Variants in ARHGAP9 observed in about 807,000 individuals in gnomAD.
ARHGAP9 encodes the protein Rho GTPase activating protein 9.
ARHGAP9 carries 76 observed loss-of-function variants against 87.3 expected under a neutral mutation model. That is an observed-to-expected ratio of 0.87 (90% CI 0.72 to 1.05). The LOEUF (loss-of-function observed/expected upper bound fraction) is 1.05. Ranked by LOEUF, ARHGAP9 falls within the 50% of genes least tolerant of loss-of-function variation. The pLI, the probability that ARHGAP9 is intolerant of heterozygous loss-of-function variation, is 0.00. For missense variants in ARHGAP9, 941 were observed against 960.5 expected (o/e 0.98, Z 0.27); for synonymous variants, 382 against 394.9 (o/e 0.97, Z 0.39).
At chr12:57,485,567 A>AC (rs995690815) in intron 1 of ARHGAP9, among the ~76,000 whole-genome samples, 14 of 150,464 alleles carry the variant, frequency 9.3e-5, no homozygotes, top group Admixed American at 6.0e-4. Context: ...AAAAAAAAAA[A>AC]AAACAAAAAA....
rs762525918 is a variant in ARHGAP9 at position 57,479,339 on chromosome 12, C to T, written c.68G>A (p.Arg23Gln). ...ATAGAGGGCACAGAGCTGGGATCCC[C>T]GAGGAGGGCTTCGGGGGCCCAGCCC... Reference protein sequence around the residue: ...ILGLGPRSPPRGSQLCALYAF... With the variant: ...ILGLGPRSPPQGSQLCALYAF... The change falls in exon 2 of 18, where the codon CGG (arginine) becomes CAG (glutamine). Residue 23 changes from arginine to glutamine, a missense_variant. Coordinates refer to ENST00000393791, the MANE Select transcript of ARHGAP9 (RefSeq NM_032496.4). The T allele has an allele frequency of 1.3e-5, 21 of 1,614,054 alleles. No homozygotes were observed. In the South Asian group the frequency reaches 1.9e-4, roughly 14 times the overall value.
intron 3 of ARHGAP9, 59 bp from the exon 4 acceptor site, chr12:57,477,739 C>T: frequency 6.3e-7 from 1 of 1,588,582 alleles, no homozygotes; most frequent in South Asian, 1.1e-5. Context: ...TCCCATGCTT[C>T]TCTTGGCCTT....
At position 57,477,163 on chromosome 12, in the gene ARHGAP9, T is replaced by A; in HGVS notation, c.863A>T (p.Asp288Val). 6.2e-7 allele frequency: 1 copy of A among 1,613,492 alleles called. No homozygotes were observed. Among genetic ancestry groups the A allele is most frequent in the Non-Finnish European group, 8.5e-7 (1 of 1,179,700 alleles). Reference protein sequence around the residue: ...RSDTGTPEPLDPQGSLSLSQR... With the variant: ...RSDTGTPEPLVPQGSLSLSQR... ...AGATGGGAGGGATCTCACCTGTGGG[T>A]CAAGCGGTTCTGGGGTCCCTGTGTC... is the stretch of plus-strand genomic sequence containing the variant. The change falls in exon 5 of 18, where the codon GAC (aspartate) becomes GTC (valine). Residue 288 changes from aspartate (D) to valine (V), a missense_variant. By Grantham distance (152) the Asp-to-Val change is radical (BLOSUM62 -3). Coordinates refer to ENST00000393791, the MANE Select transcript of ARHGAP9 (RefSeq NM_032496.4).
intron 1 of ARHGAP9, chr12:57,487,335 T>C (rs917329073): frequency 1.3e-5 from 2 of 152,086 alleles, no homozygotes; most frequent in Admixed American, 6.6e-5. Context: ...TTCCACTTTG[T>C]CACTAATTCC....
intron 17 of ARHGAP9, 32 bp downstream of exon 17, chr12:57,473,571 C>G (rs911109053): frequency 1.9e-6 from 3 of 1,585,148 alleles, no homozygotes; most frequent in Non-Finnish European, 2.6e-6. Flanking sequence ...CACCTTTCCC[C>G]AGCATGAACA....
At chr12:57,483,713 C>T (rs1251344824), upstream of ARHGAP9, among the ~76,000 whole-genome samples, 1 of 152,170 alleles carries the variant, frequency 6.6e-6, no homozygotes, top group Non-Finnish European at 1.5e-5. Context: ...TCTTACGCAT[C>T]ACTGAGATCT....
chr12:57,479,722 C>T lies in ARHGAP9; in HGVS notation c.-19+8G>A, dbSNP rs541157104. ...GATGACCTAGGCCAGTAGTTTTCCT[C>T]CAAGTACCTTGTGGGGCCCATCAGA... On this transcript the variant is annotated splice_region_variant and intron_variant, in intron 1 of 17. Transcript: ENST00000393791. 1.0e-5 allele frequency: 16 copies of T among 1,550,780 alleles called. No individual in the cohort carries two copies. Among genetic ancestry groups the T allele is most frequent in the African/African-American group, 1.4e-5 (1 of 73,142 alleles).
chr12:57,478,456 A>G, intron 3 of ARHGAP9, 84 bp downstream of exon 3: 3 of 1,330,926 alleles, frequency 2.3e-6, no homozygotes, highest in Non-Finnish European at 3.2e-6. Context: ...TGTGTTTGTC[A>G]TCCCCAGGGG....
At chr12:57,477,879 C>T (rs1874375318) in intron 3 of ARHGAP9, 199 bp from the exon 4 acceptor site, 10 of 1,387,362 alleles carry the variant, frequency 7.2e-6, no homozygotes, top group South Asian at 4.3e-5. Context: ...GTTTTCTTTG[C>T]TCTTCTCCTC....
intron 8 of ARHGAP9, 29 bp downstream of exon 8, chr12:57,476,335 C>T (rs1476096356): frequency 6.2e-7 from 1 of 1,608,094 alleles, no homozygotes; most frequent in Non-Finnish European, 8.5e-7. Context: ...AGCGCCCGCA[C>T]CCATCCTGCG....
At chr12:57,482,544 A>T (rs1017185543), upstream of ARHGAP9, among the ~76,000 whole-genome samples, 2 of 151,714 alleles carry the variant, frequency 1.3e-5, no homozygotes, top group African/African-American at 2.4e-5. Context: ...CTGGCCAAAA[A>T]TTTTTTTTAG....
chr12:57,478,991 C>T, intron 2 of ARHGAP9, 100 bp downstream of exon 2: 3 of 1,426,726 alleles, frequency 2.1e-6, no homozygotes, highest in South Asian at 1.3e-5. Context: ...TTAGCAGAAG[C>T]TTGAGGGAGG....
chr12:57,473,803 G>T, intron 16 of ARHGAP9, 95 bp from the exon 17 acceptor site: 2 of 1,256,074 alleles, frequency 1.6e-6, no homozygotes, highest in Non-Finnish European at 2.3e-6. Context: ...AGGCATGGAA[G>T]ACATCATTAA....
Position 57,479,091 on chromosome 12 carries a change from C to T in ARHGAP9, c.316G>A (p.Gly106Arg), listed in dbSNP as rs1874669708. The change falls in exon 2 of 18, where the codon GGG (glycine) becomes AGG (arginine). Residue 106 changes from glycine (G) to arginine (R), a missense_variant and splice_region_variant. Coordinates refer to ENST00000393791, the MANE Select transcript of ARHGAP9 (RefSeq NM_032496.4). ...VIPGQLLWTP[G>R]PKLFHGSLEE... The stretch of plus-strand genomic sequence containing the variant: ...GGGAGAGGGCTTAGCGCTTACTCAC[C>T]AGGAGTCCAGAGCAATTGGCCGGGG... 6.2e-7 allele frequency: 1 copy of T among 1,613,768 alleles called. No homozygotes were observed. Among genetic ancestry groups the T allele is most frequent in the African/African-American group, 1.3e-5 (1 of 74,868 alleles).
intron 12 of ARHGAP9, 86 bp downstream of exon 12, chr12:57,475,205 C>T (rs984971325): frequency 6.6e-6 from 9 of 1,370,282 alleles, no homozygotes; most frequent in Non-Finnish European, 8.0e-6. Context: ...GCAGCAGTCA[C>T]AGAAGGTTGT....
Position 57,485,471 on chromosome 12 carries a change from G to A in ARHGAP9, c.-203-1508C>T, listed in dbSNP as rs559650030. 3.4e-4 allele frequency among the ~76,000 whole-genome samples: 50 copies of A among 149,098 alleles called. 1 individual carries two copies. The highest frequency in any genetic ancestry group is 1.2e-3 in the African/African-American group (49 of 40,564). On this transcript the variant is annotated intron_variant, in intron 1 of 20. Coordinates refer to the ARHGAP9 transcript ENST00000393797. ...CTAGGGAGGCTGAGGCAGGAGAATC[G>A]CTTGAACCCAGGAGGCGGAGGTTGC... is the stretch of plus-strand genomic sequence containing the variant.
chr12:57,477,529 C>T lies in ARHGAP9; in HGVS notation c.686G>A (p.Arg229His), dbSNP rs754246992. The T allele has an allele frequency of 8.7e-6, 14 of 1,613,932 alleles. No individual in the cohort carries two copies. The highest frequency in any genetic ancestry group is 2.7e-5 in the African/African-American group (2 of 74,898). The part of the protein sequence containing the change: ...WEQHLDPNSG[R>H]CFYINSLTGC... ...AGTCAGTGAATTTATGTAGAAGCAG[C>T]GTCCAGAGTTGGGGTCCAGGTGCTG... The change falls in exon 4 of 18, where the codon CGC (arginine) becomes CAC (histidine). Residue 229 changes from arginine (R) to histidine (H), a missense_variant. Transcript: ENST00000393791.
chr12:57,479,344 A>G lies in ARHGAP9; in HGVS notation c.63T>C (p.Pro21=). Residue 21 remains proline (P), a synonymous_variant, in exon 2 of 18, where the codon CCT becomes CCC. Transcript: ENST00000393791. ...WGILGLGPRS[P]PRGSQLCALY... ...GGGCACAGAGCTGGGATCCCCGAGGAGGGCTTCGGGGGCCCAGCCCTAGGA... is the reference window on the plus strand; with the variant it reads ...GGGCACAGAGCTGGGATCCCCGAGGGGGGCTTCGGGGGCCCAGCCCTAGGA... The G allele has an allele frequency of 6.2e-7, 1 of 1,614,136 alleles. No homozygotes were observed. The highest frequency in any genetic ancestry group is 1.3e-5 in the African/African-American group (1 of 75,064).
upstream of ARHGAP9, among the ~76,000 whole-genome samples, chr12:57,481,594 T>G (rs368986465): frequency 2.6e-5 from 4 of 152,180 alleles, no homozygotes; most frequent in South Asian, 6.2e-4. Context: ...TTGCCTACAC[T>G]GTAGAGGGGA....
Sources: gnomAD v4.1 joint callset for allele counts (sites outside exome capture counted in the v4.1 genomes callset) on GRCh38, gnomAD v4.1.1 for gene constraint, MANE v1.5 for transcripts, NCBI Gene and HGNC (gene_info 2026-07-23, HGNC 2026-07-21) for gene names.